Variants in NETO1 observed in about 807,000 individuals in gnomAD.
NETO1 encodes the protein neuropilin and tolloid-like protein 1.
NETO1 carries 26 observed loss-of-function variants against 61.3 expected under a neutral mutation model. The ratio of observed to expected loss-of-function variants is 0.42; its 90% CI spans 0.31 to 0.59. NETO1 has a LOEUF of 0.59. Among genes scored for constraint, NETO1 ranks in the 20% least tolerant of loss-of-function variants. The pLI is 0.12. For missense variants in NETO1, 531 were observed against 662.8 expected, an observed-to-expected ratio of 0.80 and a Z score of 2.18; for synonymous variants, 225 against 225.8, an observed-to-expected ratio of 1.00 and a Z score of 0.03.
At chr18:72,758,854 C>A (rs998874846) in intron 7 of NETO1, among the ~76,000 whole-genome samples, 9 of 151,930 alleles carry the variant, frequency 5.9e-5, no homozygotes, top group Non-Finnish European at 1.3e-4. Context: ...AACAAACAAA[C>A]AAAAACAAAC....
chr18:72,817,787 GTCTGTT>G (rs796955473), intron 4 of NETO1, among the ~76,000 whole-genome samples: 7 of 152,304 alleles, frequency 4.6e-5, no homozygotes, highest in African/African-American at 1.7e-4. Context: ...TTCTTTCTCT[GTCTGTT>G]TCTGTCTGTC....
chr18:72,855,548 C>T (rs939838675), intron 4 of NETO1, among the ~76,000 whole-genome samples: 1 of 152,244 alleles, frequency 6.6e-6, no homozygotes. Context: ...GCCTCCGTAT[C>T]CTCCACATCC....
intron 7 of NETO1, among the ~76,000 whole-genome samples, chr18:72,762,534 GTAAT>G (rs2071012549): frequency 6.6e-6 from 1 of 151,914 alleles, no homozygotes. Flanking sequence ...AAAAAGTTTT[GTAAT>G]TAAAGGATAA....
At chr18:72,748,706 G>A (rs2070489690) in intron 10 of NETO1, among the ~76,000 whole-genome samples, 1 of 151,778 alleles carries the variant, frequency 6.6e-6, no homozygotes, top group African/African-American at 2.4e-5. Flanking sequence ...GTATTTCTTT[G>A]GAGATAGTTC....
intron 7 of NETO1, among the ~76,000 whole-genome samples, chr18:72,768,304 C>T (rs2071233304): frequency 6.6e-6 from 1 of 152,000 alleles, no homozygotes; most frequent in African/African-American, 2.4e-5. Context: ...TAAAAGAACA[C>T]TTATTCAATA....
At chr18:72,852,515 G>A (rs1048923246) in intron 4 of NETO1, among the ~76,000 whole-genome samples, 18 of 152,106 alleles carry the variant, frequency 1.2e-4, no homozygotes, top group African/African-American at 3.9e-4. Flanking sequence ...GTGCCCGGCC[G>A]GAAGACACTC....
intron 4 of NETO1, among the ~76,000 whole-genome samples, chr18:72,848,554 A>T (rs1568258147): frequency 6.6e-6 from 1 of 152,204 alleles, no homozygotes; most frequent in East Asian, 1.9e-4. Context: ...CCTGCTCAAA[A>T]TAAGAAAAAG....
At chr18:72,867,047 G>T in intron 1 of NETO1, 1 of 465,154 alleles carries the variant, frequency 2.1e-6, no homozygotes, top group East Asian at 3.5e-5. Context: ...ACCGTTCTCC[G>T]GCAGGTTTTG....
intron 7 of NETO1, among the ~76,000 whole-genome samples, chr18:72,775,971 G>T (rs2071533561): frequency 6.6e-6 from 1 of 152,100 alleles, no homozygotes; most frequent in East Asian, 1.9e-4. Flanking sequence ...GAGATATTAG[G>T]ATATTATCAA....
chr18:72,804,807 C>T (rs1425582960), intron 4 of NETO1, among the ~76,000 whole-genome samples: 1 of 152,188 alleles, frequency 6.6e-6, no homozygotes, highest in Non-Finnish European at 1.5e-5. Flanking sequence ...GACTACCTAA[C>T]AGGATAGTCT....
At chr18:72,754,527 C>T (rs1249643412) in intron 8 of NETO1, among the ~76,000 whole-genome samples, 2 of 152,050 alleles carry the variant, frequency 1.3e-5, no homozygotes, top group Non-Finnish European at 2.9e-5. Context: ...GATGTAGTGG[C>T]TATACTAATG....
Position 72,750,637 on chromosome 18 carries a change from G to A in NETO1, c.983-17C>T. 1.2e-5 allele frequency: 18 copies of A among 1,559,396 alleles called. No homozygotes were observed. Among genetic ancestry groups the A allele is most frequent in the Non-Finnish European group, 1.5e-5 (17 of 1,150,162 alleles). On this transcript the variant is annotated splice_polypyrimidine_tract_variant and intron_variant, in intron 8 of 10. Coordinates refer to ENST00000327305, the MANE Select transcript of NETO1 (RefSeq NM_138966.5). The stretch of plus-strand genomic sequence containing the variant: ...TCCTCTTCTCTATAGGTTGGAGAGA[G>A]TGAAAACAACAAACGGACAAAAGAA...
chr18:72,850,052 A>G (rs566406882), intron 4 of NETO1, among the ~76,000 whole-genome samples: 1 of 152,246 alleles, frequency 6.6e-6, no homozygotes, highest in Non-Finnish European at 1.5e-5. Flanking sequence ...GCTTATTAGC[A>G]TTATTAATAC....
At chr18:72,784,587 C>T (rs868559364) in intron 6 of NETO1, among the ~76,000 whole-genome samples, 1 of 152,128 alleles carries the variant, frequency 6.6e-6, no homozygotes, top group Admixed American at 6.5e-5. Flanking sequence ...TAAAGTGGCC[C>T]ATTTTATTGT....
rs2074777283 is a variant in NETO1, at chr18:72,867,480, T to A, written c.-189A>T. 4 of 405,364 alleles carry A rather than the reference T, an allele frequency of 9.9e-6. No homozygotes were observed. Among genetic ancestry groups the A allele is most frequent in the Non-Finnish European group, 1.7e-5 (4 of 228,736 alleles). The allele number at this position is 405,364 out of a possible 1,614,324, so 25.1% of individuals were successfully genotyped here. On this transcript the variant is annotated 5_prime_UTR_variant, in exon 1 of 11. Coordinates refer to ENST00000327305, the MANE Select transcript of NETO1 (RefSeq NM_138966.5). Reference sequence around the variant, plus strand: ...AGCCCACGCTGCAGCCAGATCCGGATGAGTCCGTCCTCCGCCCCGGGCGGG... The same window carrying A: ...AGCCCACGCTGCAGCCAGATCCGGAAGAGTCCGTCCTCCGCCCCGGGCGGG...
chr18:72,764,322 A>G (rs12455623), intron 7 of NETO1, among the ~76,000 whole-genome samples: 34,592 of 152,168 alleles, frequency 0.23, 4,340 homozygotes, highest in Admixed American at 0.33. Context: ...CTTAACACTT[A>G]CATGAATATG....
chr18:72,831,604 C>G (rs976485248), intron 4 of NETO1, among the ~76,000 whole-genome samples: 1 of 152,212 alleles, frequency 6.6e-6, no homozygotes, highest in Admixed American at 6.5e-5. Flanking sequence ...AATATACTTT[C>G]TATCTTGTGA....
chr18:72,854,028 A>G (rs2074340265), intron 4 of NETO1, among the ~76,000 whole-genome samples: 1 of 152,108 alleles, frequency 6.6e-6, no homozygotes, highest in Non-Finnish European at 1.5e-5. Flanking sequence ...ATCCATGACA[A>G]TATTTTATTT....
At chr18:72,849,067 A>G (rs1470513737) in intron 4 of NETO1, among the ~76,000 whole-genome samples, 2 of 152,216 alleles carry the variant, frequency 1.3e-5, no homozygotes, top group South Asian at 2.1e-4. Context: ...GCCTTTTGTG[A>G]GACTGAATTC....
Sources: allele counts gnomAD v4.1 joint callset (sites outside exome capture counted in the v4.1 genomes callset), GRCh38; gene constraint gnomAD v4.1.1; transcripts MANE v1.5; gene names NCBI Gene and HGNC (gene_info 2026-07-23, HGNC 2026-07-21).